Variants in TTN observed in about 807,000 individuals in gnomAD.
TTN encodes the protein titin.
TTN carries 1,525 observed loss-of-function variants against 3,223.0 expected under a neutral mutation model. The ratio of observed to expected loss-of-function variants is 0.47; its 90% CI spans 0.45 to 0.49. The LOEUF (loss-of-function observed/expected upper bound fraction) is 0.49. Ranked by LOEUF, TTN falls within the 20% of genes least tolerant of loss-of-function variation. The pLI, the probability that TTN is intolerant of heterozygous loss-of-function variation, is 0.00. For synonymous variants in TTN, 14,094 were observed against 15,161.0 expected (o/e 0.93, Z 5.17); for missense variants, 40,786 against 43,424.0 (o/e 0.94, Z 5.40).
chr2:178,528,821 C>A lies in TTN; in HGVS notation c.106930G>T (p.Glu35644Ter), dbSNP rs1331816073. ...CGGTACTCCTCAGAGTTGGTAAGCT[C>A]TACGCCATTCAGTACCCATTTCACA... ...TDVKWVLNGV[E>*]LTNSEEYRYG... Residue 35644 changes from glutamate to a stop codon, truncating the protein, a stop_gained, in exon 360 of 363, where the codon GAG becomes TAG. Transcript: ENST00000589042. LOFTEE classifies it high-confidence loss of function. 6.2e-7 allele frequency: 1 copy of A among 1,613,864 alleles called. No individual in the cohort carries two copies. The highest frequency in any genetic ancestry group is 8.5e-7 in the Non-Finnish European group (1 of 1,179,862).
At position 178,569,540 on chromosome 2, in the gene TTN, A is replaced by G. The variant is rs976954474; in HGVS notation, c.76592T>C (p.Phe25531Ser). The G allele has an allele frequency of 3.1e-6, 5 of 1,612,702 alleles. No homozygotes were observed. The African/African-American group carries it at 4.0e-5, about 13-fold the overall frequency. ...NIRAGGSLRLFVPIKGRPTPE... is the reference protein window; with the variant it reads ...NIRAGGSLRLSVPIKGRPTPE... ...TGTAGGACGACCTTTTATAGGAACA[A>G]ATAACCTTAAGGAGCCACCTGCCCT... Residue 25531 changes from phenylalanine to serine, a missense_variant, in exon 326 of 363, where the codon TTT (phenylalanine) becomes TCT (serine). Phe to Ser is a radical substitution (Grantham distance 155). Transcript: ENST00000589042.
chr2:178,714,481 T>C lies in TTN; in HGVS notation c.26293A>G (p.Ile8765Val), dbSNP rs776531934. Reference protein sequence around the residue: ...LQTTIEGAEPISVVWFKDKGE... With the variant: ...LQTTIEGAEPVSVVWFKDKGE... ...TTATCTTTGAACCACACCACTGAAATGGGTTCAGCGCCTTCAATGGTAGTC... is the reference window on the plus strand; with the variant it reads ...TTATCTTTGAACCACACCACTGAAACGGGTTCAGCGCCTTCAATGGTAGTC... The change falls in exon 91 of 363, where the codon ATT becomes GTT. Residue 8765 changes from isoleucine (I) to valine (V), a missense_variant. By Grantham distance (29) the Ile-to-Val change is conservative. Transcript: ENST00000589042. 6.2e-7 allele frequency: 1 copy of C among 1,613,648 alleles called. No homozygotes were observed. The highest frequency in any genetic ancestry group is 8.5e-7 in the Non-Finnish European group (1 of 1,179,690).
Position 178,530,025 on chromosome 2 carries a change from A to T in TTN, c.106466T>A (p.Leu35489His), listed in dbSNP as rs767087308. The T allele has an allele frequency of 4.3e-6, 7 of 1,609,910 alleles. No individual in the cohort carries two copies. The highest frequency in any genetic ancestry group is 5.9e-6 in the Non-Finnish European group (7 of 1,178,974). The change falls in exon 359 of 363, where the codon CTT (leucine) becomes CAT (histidine). Residue 35489 changes from leucine (L) to histidine (H), a missense_variant. Leu to His is a moderately conservative substitution (Grantham distance 99, BLOSUM62 -3). Coordinates refer to ENST00000589042, the MANE Select transcript of TTN (RefSeq NM_001267550.2). ...TGAATTTTTTACTGTACAAGTATAA[A>T]GTCCACTGTCAGAAGTATCAGTCTT... ...IHKTDTSDSG[L>H]YTCTVKNSAG... is the part of the protein sequence containing the mutation.
Position 178,766,362 on chromosome 2 carries a change from G to A in TTN, c.9703+19C>T. 6.4e-7 allele frequency: 1 copy of A among 1,568,564 alleles called. No individual in the cohort carries two copies. Among genetic ancestry groups the A allele is most frequent in the Non-Finnish European group, 8.8e-7 (1 of 1,138,590 alleles). On this transcript the variant is annotated intron_variant, in intron 41 of 362. Transcript: ENST00000589042. ...TTCTGATGGATCCACAAAATATGCT[G>A]AAATCTGTCCCTACATACCATTGAC...
Position 178,727,657 on chromosome 2 carries a change from T to C in TTN, c.19921A>G (p.Thr6641Ala). 1 of 1,612,972 alleles carries C rather than the reference T, an allele frequency of 6.2e-7. No homozygotes were observed. Among genetic ancestry groups the C allele is most frequent in the Non-Finnish European group, 8.5e-7 (1 of 1,179,272 alleles). ...GTAACATGGCAAGTATACTGTCCAG[T>C]CTTAGAAGCATCCACTGAGTAGAGA... ...LNLYSVDASKTGQYTCHVTND... is the reference protein window; with the variant it reads ...LNLYSVDASKAGQYTCHVTND... Residue 6641 changes from threonine (T) to alanine (A), a missense_variant, in exon 68 of 363, where the codon ACT (threonine) becomes GCT (alanine). Transcript: ENST00000589042.
chr2:178,684,776 A>G (rs775125660), intron 130 of TTN, 27 bp from the exon 131 acceptor site: 2 of 1,602,052 alleles, frequency 1.2e-6, no homozygotes, highest in East Asian at 4.5e-5. Context: ...CAATACCATC[A>G]AACATACGAT....
rs1689444374 is a variant in TTN at position 178,532,229 on chromosome 2, CCTT to C, written c.104383_104385del (p.Lys34795del). ...CTTGATTTCTTTCTAGACTTTTCCT[CCTT>C]TGACATGAAGTCAAGTTCGCTTTTG... is the stretch of plus-strand genomic sequence containing the variant. On this transcript the variant is annotated inframe_deletion, in exon 358 of 363. Coordinates refer to ENST00000589042, the MANE Select transcript of TTN (RefSeq NM_001267550.2). 1.2e-6 allele frequency: 2 copies of C among 1,613,456 alleles called. No individual in the cohort carries two copies. Among genetic ancestry groups the C allele is most frequent in the African/African-American group, 2.7e-5 (2 of 74,930 alleles).
chr2:178,693,579 G>T, intron 119 of TTN, 30 bp downstream of exon 119: 3 of 1,447,216 alleles, frequency 2.1e-6, no homozygotes, highest in Non-Finnish European at 2.8e-6. Flanking sequence ...TTTATTAAAA[G>T]AGTTTAAACT....
chr2:178,638,971 A>G (rs2060874154), intron 223 of TTN, among the ~76,000 whole-genome samples: 1 of 152,036 alleles, frequency 6.6e-6, no homozygotes, highest in South Asian at 2.1e-4. Flanking sequence ...TTGATCAATT[A>G]TATCTCAAAT....
rs759957991 is a variant in TTN at position 178,599,861 on chromosome 2, T to TA, written c.56051-12dup. The TA allele has an allele frequency of 3.6e-5, 56 of 1,538,642 alleles. 1 individual carries two copies. The South Asian group carries it at 6.8e-4, about 19-fold the overall frequency. On this transcript the variant is annotated splice_polypyrimidine_tract_variant and intron_variant, in intron 288 of 362. Coordinates refer to ENST00000589042, the MANE Select transcript of TTN (RefSeq NM_001267550.2). ...CAATTGATGGTGGGCCTAGATTATT[T>TA]AAAAAAAGTTGTCATTAGGAGCAAA...
At chr2:178,669,246 A>C (rs1281879071) in intron 159 of TTN, 127 bp downstream of exon 159, 1 of 699,184 alleles carries the variant, frequency 1.4e-6, no homozygotes, top group Non-Finnish European at 2.3e-6. Flanking sequence ...TTTGAGTCAT[A>C]TATTTGTGGC....
In TTN at chr2:178,563,522, C is replaced by G. The variant is rs555055615; in HGVS notation, c.82610G>C (p.Gly27537Ala). 1 of 1,613,760 alleles carries G rather than the reference C, an allele frequency of 6.2e-7. No homozygotes were observed. The highest frequency in any genetic ancestry group is 1.3e-5 in the African/African-American group (1 of 75,020). ...AGCAACTCTGAATTCATAGGAATGG[C>G]CTTCGGTAAGACCAGTTACCCTGAG... is the stretch of plus-strand genomic sequence containing the variant. ...LRLRVTGLTE[G>A]HSYEFRVAAE... The change falls in exon 326 of 363, where the codon GGC (glycine) becomes GCC (alanine). Residue 27537 changes from glycine to alanine, a missense_variant. Physicochemically the swap from Gly to Ala is moderately conservative, Grantham distance 60. Coordinates refer to ENST00000589042, the MANE Select transcript of TTN (RefSeq NM_001267550.2). This position sits in a 1 kb window ranked among gnomAD's most constrained non-coding sequence, Gnocchi z 4.5.
chr2:178,728,745 A>T lies in TTN; in HGVS notation c.19181T>A (p.Val6394Asp), dbSNP rs969002490. 1.2e-6 allele frequency: 2 copies of T among 1,606,380 alleles called. No homozygotes were observed. The highest frequency in any genetic ancestry group is 1.7e-6 in the Non-Finnish European group (2 of 1,173,668). The change falls in exon 66 of 363, where the codon GTT (valine) becomes GAT (aspartate). Residue 6394 changes from valine to aspartate, a missense_variant. Physicochemically the swap from Val to Asp is radical, Grantham distance 152. Transcript: ENST00000589042. ...CATGGGATCTTTCTCCGTAACATCAACTGATTTAGCTTTCTCTACGATTTG... is the reference window on the plus strand; with the variant it reads ...CATGGGATCTTTCTCCGTAACATCATCTGATTTAGCTTTCTCTACGATTTG... The part of the protein sequence containing the change: ...PAQIVEKAKS[V>D]DVTEKDPMTL...
Position 178,583,122 on chromosome 2 carries a change from G to A in TTN, c.65681C>T (p.Thr21894Ile), listed in dbSNP as rs761924206. The part of the protein sequence containing the change: ...DATVFGKPMP[T>I]VSWKKDGTLL... Reference sequence around the variant, plus strand: ...TGTGCCATCTTTTTTCCAAGAAACTGTTGGCATCGGTTTACCAAAAACAGT... The same window carrying A: ...TGTGCCATCTTTTTTCCAAGAAACTATTGGCATCGGTTTACCAAAAACAGT... Residue 21894 changes from threonine to isoleucine, a missense_variant, in exon 313 of 363, where the codon ACA becomes ATA. By Grantham distance (89) the Thr-to-Ile change is moderately conservative. Transcript: ENST00000589042. The A allele has an allele frequency of 6.8e-6, 11 of 1,612,004 alleles. No homozygotes were observed. The highest frequency in any genetic ancestry group is 4.5e-5 in the East Asian group (2 of 44,528).
chr2:178,598,326 ATGACT>A (rs1421154102), intron 292 of TTN, among the ~76,000 whole-genome samples, 175 bp downstream of exon 292: 2 of 152,110 alleles, frequency 1.3e-5, no homozygotes, highest in African/African-American at 2.4e-5. Context: ...TAGTAATAAC[ATGACT>A]TAACTTTTGA....
chr2:178,802,025 G>A, intron 3 of TTN, 113 bp downstream of exon 3: 6 of 1,305,860 alleles, frequency 4.6e-6, no homozygotes, highest in Middle Eastern at 2.6e-4. Context: ...AGACCCTTCT[G>A]TAGTTTAAGA....
chr2:178,696,045 C>T lies in TTN; in HGVS notation c.31027G>A (p.Glu10343Lys). 6.4e-7 allele frequency: 1 copy of T among 1,550,920 alleles called. No individual in the cohort carries two copies. The highest frequency in any genetic ancestry group is 8.7e-7 in the Non-Finnish European group (1 of 1,146,534). ...TCTACCTTAATCTCTTCATAGTCTT[C>T]ATCTGGTTCTTCATAATAAGGTTGT... ...FEQPYYEEPD[E>K]DYEEIKVEAK... The change falls in exon 114 of 363, where the codon GAA (glutamate) becomes AAA (lysine). Residue 10343 changes from glutamate (E) to lysine (K), a missense_variant. Physicochemically the swap from Glu to Lys is moderately conservative, Grantham distance 56 (BLOSUM62 1). Coordinates refer to ENST00000589042, the MANE Select transcript of TTN (RefSeq NM_001267550.2).
chr2:178,598,019 T>G lies in TTN; in HGVS notation c.57151A>C (p.Thr19051Pro). The change falls in exon 293 of 363, where the codon ACA becomes CCA. Residue 19051 changes from threonine (T) to proline (P), a missense_variant. Physicochemically the swap from Thr to Pro is conservative, Grantham distance 38 (BLOSUM62 -1). Coordinates refer to ENST00000589042, the MANE Select transcript of TTN (RefSeq NM_001267550.2). Reference sequence around the variant, plus strand: ...TAGAATGCTCCTTCCTTTAATCCTGTCACAACAAGCTTTGTTCCTCTCACT... The same window carrying G: ...TAGAATGCTCCTTCCTTTAATCCTGGCACAACAAGCTTTGTTCCTCTCACT... Reference protein sequence around the residue: ...KEVRGTKLVVTGLKEGAFYKF... With the variant: ...KEVRGTKLVVPGLKEGAFYKF... 6.2e-7 allele frequency: 1 copy of G among 1,613,336 alleles called. No homozygotes were observed. Among genetic ancestry groups the G allele is most frequent in the Non-Finnish European group, 8.5e-7 (1 of 1,179,542 alleles).
Position 178,712,517 on chromosome 2 carries a change from G to A in TTN, c.27405C>T (p.Phe9135=). Residue 9135 remains phenylalanine, a synonymous_variant, in exon 95 of 363, where the codon TTC becomes TTT. Transcript: ENST00000589042. Reference sequence around the variant, plus strand: ...TAACCGAAATGGGAGGAGTTCCAGTGAATGTACCCTCTAGGATCAGGGGTT... The same window carrying A: ...TAACCGAAATGGGAGGAGTTCCAGTAAATGTACCCTCTAGGATCAGGGGTT... ...KGKPLILEGT[F]TGTPPISVTW... The A allele has an allele frequency of 2.5e-6, 4 of 1,613,712 alleles. No homozygotes were observed. The highest frequency in any genetic ancestry group is 1.3e-5 in the African/African-American group (1 of 75,020).
Sources: allele counts gnomAD v4.1 joint callset (sites outside exome capture counted in the v4.1 genomes callset), GRCh38; gene constraint gnomAD v4.1.1; non-coding constraint Gnocchi (gnomAD v3.1); transcripts MANE v1.5; gene names NCBI Gene and HGNC (gene_info 2026-07-23, HGNC 2026-07-21).